Variants in FAM81A observed in about 807,000 individuals in gnomAD.
The protein encoded by FAM81A is protein FAM81A.
A neutral mutation model predicts 46.7 loss-of-function variants in FAM81A; 19 were observed. That is an observed-to-expected ratio of 0.41 (90% CI 0.28 to 0.60). The LOEUF is 0.60. FAM81A is among the 20% of genes least tolerant of loss of function. The probability of loss-of-function intolerance (pLI) is 0.34; values close to 1 mark genes in which losing one functional copy is unlikely to be tolerated. For missense variants in FAM81A, 377 were observed against 453.5 expected (o/e 0.83, Z 1.53); for synonymous variants, 183 against 152.9 (o/e 1.20, Z -1.45).
At chr15:59,457,175 A>C (rs1286207722) in intron 1 of FAM81A, among the ~76,000 whole-genome samples, 1 of 152,248 alleles carries the variant, frequency 6.6e-6, no homozygotes, top group Non-Finnish European at 1.5e-5. Context: ...ATATTAAATA[A>C]AAAATTCTAG....
At chr15:59,507,910 G>A (rs889978037) in intron 5 of FAM81A, among the ~76,000 whole-genome samples, 12 of 152,108 alleles carry the variant, frequency 7.9e-5, no homozygotes, top group African/African-American at 2.7e-4. Flanking sequence ...GCCATCATAG[G>A]GCGTGTCTTC....
chr15:59,470,104 T>G (rs1375563879), intron 3 of FAM81A, among the ~76,000 whole-genome samples: 1 of 152,252 alleles, frequency 6.6e-6, no homozygotes, highest in South Asian at 2.1e-4. Flanking sequence ...CTTACCTTTA[T>G]GGGTAACTCG....
intron 6 of FAM81A, 71 bp from the exon 7 acceptor site, chr15:59,514,218 C>A (rs2141836233): frequency 7.1e-7 from 1 of 1,405,990 alleles, no homozygotes; most frequent in Non-Finnish European, 9.4e-7. Flanking sequence ...TCAACATGTA[C>A]CCTGGAACTT....
chr15:59,465,549 G>A (rs907780082), intron 3 of FAM81A, among the ~76,000 whole-genome samples: 11 of 152,176 alleles, frequency 7.2e-5, no homozygotes, highest in Middle Eastern at 3.4e-3. Context: ...CTGGGATTAC[G>A]GGCATGAGCC....
Position 59,467,223 on chromosome 15 carries a change from G to T in FAM81A, c.294+7017G>T, listed in dbSNP as rs566968496. ...TTGGTTCCATATGAACTTTAAAGCA[G>T]TTTTTTTCAATTCTGTGAAGAAAGT... On this transcript the variant is annotated intron_variant, in intron 3 of 8. Transcript: ENST00000288228. Among the ~76,000 whole-genome samples, 26 of 152,278 alleles carry T rather than the reference G, an allele frequency of 1.7e-4. No homozygotes were observed. The East Asian group carries it at 4.8e-3, about 28-fold the overall frequency.
intron 3 of FAM81A, among the ~76,000 whole-genome samples, chr15:59,480,184 T>G (rs983115802): frequency 2.0e-5 from 3 of 152,218 alleles, no homozygotes; most frequent in African/African-American, 7.2e-5. Context: ...AGGCTGGAAC[T>G]GTGGTAAAAA....
At position 59,521,651 on chromosome 15, in the gene FAM81A, A is replaced by G. The variant is rs1162396401; in HGVS notation, c.*273A>G. On this transcript the variant is annotated 3_prime_UTR_variant, in exon 9 of 9. Coordinates refer to ENST00000288228, the MANE Select transcript of FAM81A (RefSeq NM_152450.3). The stretch of plus-strand genomic sequence containing the variant: ...ATTTTGAAAGGCTTTTATCTTCTTC[A>G]TTTTACGAATGGAAAGACGACAATT... 3.6e-6 allele frequency: 1 copy of G among 279,736 alleles called. No homozygotes were observed. Among genetic ancestry groups the G allele is most frequent in the Non-Finnish European group, 6.6e-6 (1 of 152,580 alleles). The allele number at this position is 279,736 out of a possible 1,614,324, so 17.3% of individuals were successfully genotyped here. A position where few individuals can be genotyped will look rare whatever the true frequency, so the allele number is the denominator to read the frequency against.
intron 3 of FAM81A, among the ~76,000 whole-genome samples, chr15:59,485,875 T>A (rs575169074): frequency 6.6e-5 from 10 of 152,076 alleles, no homozygotes; most frequent in African/African-American, 2.2e-4. Flanking sequence ...CAGATAAATT[T>A]AACAAAGAAA....
At chr15:59,518,022 G>A (rs1230327818) in intron 8 of FAM81A, among the ~76,000 whole-genome samples, 2 of 151,458 alleles carry the variant, frequency 1.3e-5, no homozygotes, top group East Asian at 3.9e-4. Context: ...TGCCAGCCTG[G>A]AGTGCAGTGG....
intron 1 of FAM81A, among the ~76,000 whole-genome samples, chr15:59,454,429 C>T (rs867498714): frequency 3.9e-5 from 6 of 152,258 alleles, no homozygotes; most frequent in Middle Eastern, 3.4e-3. Context: ...AATTGGTTGG[C>T]ATTAATGTCT....
chr15:59,398,831 C>A (rs2081058324), intron 1 of FAM81A, among the ~76,000 whole-genome samples: 1 of 150,206 alleles, frequency 6.7e-6, no homozygotes. Flanking sequence ...CTTCACCATC[C>A]CTAGGGTGTG....
At chr15:59,515,267 A>G (rs551280405) in intron 7 of FAM81A, among the ~76,000 whole-genome samples, 9 of 152,300 alleles carry the variant, frequency 5.9e-5, no homozygotes, top group Non-Finnish European at 1.0e-4. Context: ...AAAGTCTTGC[A>G]TATGTAGTAT....
intron 2 of FAM81A, chr15:59,407,391 T>TGAAC: frequency 6.8e-6 from 1 of 147,268 alleles, no homozygotes; most frequent in South Asian, 2.2e-4. Flanking sequence ...ACCTCCTGGG[T>TGAAC]TCACGCTATT....
chr15:59,483,553 A>T (rs181519483), intron 3 of FAM81A, among the ~76,000 whole-genome samples: 1 of 152,238 alleles, frequency 6.6e-6, no homozygotes, highest in Non-Finnish European at 1.5e-5. Context: ...AAGCATAATT[A>T]CATCTCTACT....
At chr15:59,491,027 A>G (rs1407176307) in intron 3 of FAM81A, among the ~76,000 whole-genome samples, 3 of 152,228 alleles carry the variant, frequency 2.0e-5, no homozygotes, top group Admixed American at 6.5e-5. Context: ...AAACTAAAAC[A>G]GAGCTACCAT....
chr15:59,398,429 A>G (rs1291094683), intron 1 of FAM81A, among the ~76,000 whole-genome samples: 1 of 152,184 alleles, frequency 6.6e-6, no homozygotes, highest in African/African-American at 2.4e-5. Context: ...AGAGGTAGAC[A>G]GTGCAAAATA....
At chr15:59,512,003 G>A (rs2082215167) in intron 6 of FAM81A, among the ~76,000 whole-genome samples, 1 of 152,114 alleles carries the variant, frequency 6.6e-6, no homozygotes, top group Non-Finnish European at 1.5e-5. Context: ...CAAAACAAAT[G>A]TCCATCAACA....
chr15:59,426,171 A>G (rs1297151416), intron 2 of FAM81A, among the ~76,000 whole-genome samples: 1 of 152,240 alleles, frequency 6.6e-6, no homozygotes, highest in Non-Finnish European at 1.5e-5. Flanking sequence ...GAAATACAGA[A>G]ATTATGTCCT....
intron 2 of FAM81A, chr15:59,402,492 C>T (rs2081075829): frequency 6.6e-6 from 1 of 152,126 alleles, no homozygotes; most frequent in Non-Finnish European, 1.5e-5. Flanking sequence ...AACTTAGTCC[C>T]TTACATGTGT....
Sources: allele counts gnomAD v4.1 joint callset (sites outside exome capture counted in the v4.1 genomes callset), GRCh38; gene constraint gnomAD v4.1.1; transcripts MANE v1.5; gene names NCBI Gene and HGNC (gene_info 2026-07-23, HGNC 2026-07-21).